The following UNC13A variants were observed in gnomAD, a reference collection of about 807,000 sequenced individuals.
UNC13A encodes the protein protein unc-13 homolog A.
A neutral mutation model predicts 219.7 loss-of-function variants in UNC13A; 61 were observed. The observed-to-expected ratio is 0.28, with a 90% CI of 0.23 to 0.34. The LOEUF (loss-of-function observed/expected upper bound fraction) is 0.34, where lower values mean the gene tolerates loss of function less well. UNC13A is among the 10% of genes least tolerant of loss of function. The pLI is 1.00. For missense variants in UNC13A, 1,476 were observed against 2,270.3 expected (o/e 0.65, Z 7.11); for synonymous variants, 920 against 884.6 (o/e 1.04, Z -0.71).
intron 43 of UNC13A, 103 bp from the exon 44 acceptor site, chr19:17,606,457 G>A (rs2144901363): frequency 1.4e-6 from 2 of 1,418,520 alleles, no homozygotes; most frequent in Non-Finnish European, 9.4e-7. Flanking sequence ...ACACCGGGGT[G>A]CCCACACCTG....
At chr19:17,661,567 A>C (rs1158350251) in intron 8 of UNC13A, among the ~76,000 whole-genome samples, 1 of 151,754 alleles carries the variant, frequency 6.6e-6, no homozygotes, top group Non-Finnish European at 1.5e-5. Context: ...AGTGGCGTGC[A>C]CCTGTAATCC....
chr19:17,638,764 G>A (rs1264909314), intron 25 of UNC13A, among the ~76,000 whole-genome samples: 1 of 152,048 alleles, frequency 6.6e-6, no homozygotes, highest in Non-Finnish European at 1.5e-5. Context: ...GGGAGGCAGA[G>A]GTTGCAGTGA....
chr19:17,620,739 G>C lies in UNC13A; in HGVS notation c.4243-17C>G. 1 of 1,612,684 alleles carries C rather than the reference G, an allele frequency of 6.2e-7. No homozygotes were observed. Among genetic ancestry groups the C allele is most frequent in the Non-Finnish European group, 8.5e-7 (1 of 1,179,526 alleles). ...CACCCTGCCCTGTGGAGAGAATCAG[G>C]TGGAGGTCAGAGTTCTGGTGACTGT... On this transcript the variant is annotated splice_polypyrimidine_tract_variant and intron_variant, in intron 37 of 43. Transcript: ENST00000519716.
intron 28 of UNC13A, among the ~76,000 whole-genome samples, chr19:17,632,533 C>T (rs2145010430): frequency 6.6e-6 from 1 of 152,320 alleles, no homozygotes; most frequent in Middle Eastern, 3.4e-3. Context: ...AATGATCCCA[C>T]CTTAACTCAT....
intron 12 of UNC13A, among the ~76,000 whole-genome samples, chr19:17,651,296 C>T (rs1428132236): frequency 6.6e-6 from 1 of 151,772 alleles, no homozygotes; most frequent in Non-Finnish European, 1.5e-5. Flanking sequence ...GCTATGTTGC[C>T]CAGGCTGGTC....
Position 17,611,802 on chromosome 19 carries a change from T to C in UNC13A, c.4612A>G (p.Thr1538Ala), listed in dbSNP as rs1314221842. 5 of 1,614,032 alleles carry C rather than the reference T, an allele frequency of 3.1e-6. No individual in the cohort carries two copies. The African/African-American group carries it at 5.3e-5, about 17-fold the overall frequency. ...TTGTGTTCCCCAGTTCCTGGATGAG[T>C]GAACAGCTCAACATGGACAGAGACT... ...GEVSVHVELF[T>A]HPGTGEHKVT... Residue 1538 changes from threonine (T) to alanine (A), a missense_variant, in exon 42 of 44, where the codon ACT becomes GCT. This residue lies in a region of UNC13A where 77 missense variants were observed against 94.8 expected (regional missense o/e 0.81). Transcript: ENST00000519716.
chr19:17,626,933 C>A, intron 33 of UNC13A, 148 bp from the exon 34 acceptor site: 1 of 1,270,868 alleles, frequency 7.9e-7, no homozygotes, highest in Non-Finnish European at 1.0e-6. Flanking sequence ...GTGGCTCACG[C>A]CTTTAATCCA....
intron 17 of UNC13A, among the ~76,000 whole-genome samples, chr19:17,646,406 A>T (rs2077027251): frequency 6.6e-6 from 1 of 151,702 alleles, no homozygotes; most frequent in African/African-American, 2.4e-5. Flanking sequence ...CGCACGTGCC[A>T]CCCCATCCGG....
At position 17,627,793 on chromosome 19, in the gene UNC13A, A is replaced by C; in HGVS notation, c.3831+70T>G. 3 of 1,496,232 alleles carry C rather than the reference A, an allele frequency of 2.0e-6. No individual in the cohort carries two copies. Among genetic ancestry groups the C allele is most frequent in the Non-Finnish European group, 2.7e-6 (3 of 1,096,572 alleles). The allele number at this position is 1,496,232 out of a possible 1,614,324, so 92.7% of individuals were successfully genotyped here. A position where few individuals can be genotyped will look rare whatever the true frequency, so the allele number is the denominator to read the frequency against. ...CCCAGGCCTGGTGGCATATGAGCTCAGGGGCCTGCAGGGACACAGTGGTGG... is the reference window on the plus strand; with the variant it reads ...CCCAGGCCTGGTGGCATATGAGCTCCGGGGCCTGCAGGGACACAGTGGTGG... On this transcript the variant is annotated intron_variant, in intron 32 of 43. Transcript: ENST00000519716. This position sits in a 1 kb window ranked among gnomAD's most constrained non-coding sequence, Gnocchi z 4.7.
In UNC13A at chr19:17,630,637, T is replaced by C. The variant is rs754133962; in HGVS notation, c.3525+17A>G. 6.2e-7 allele frequency: 1 copy of C among 1,613,632 alleles called. No homozygotes were observed. Among genetic ancestry groups the C allele is most frequent in the South Asian group, 1.1e-5 (1 of 91,074 alleles). On this transcript the variant is annotated intron_variant, in intron 29 of 43. Coordinates refer to ENST00000519716, the MANE Select transcript of UNC13A (RefSeq NM_001080421.3). ...AGTGGGAAGATTAGGAACTTGGTTGTGGGTGGGCCTTCTTACCCCATCCTT... is the reference window on the plus strand; with the variant it reads ...AGTGGGAAGATTAGGAACTTGGTTGCGGGTGGGCCTTCTTACCCCATCCTT...
intron 43 of UNC13A, among the ~76,000 whole-genome samples, chr19:17,607,163 T>C (rs951558996): frequency 1.3e-5 from 2 of 152,216 alleles, no homozygotes; most frequent in African/African-American, 4.8e-5. Flanking sequence ...GACATGGAAC[T>C]GGCTTCAATC....
Position 17,627,761 on chromosome 19 carries a change from A to G in UNC13A, c.3831+102T>C. On this transcript the variant is annotated intron_variant, in intron 32 of 43. Transcript: ENST00000519716. This position sits in a 1 kb window ranked among gnomAD's most constrained non-coding sequence, Gnocchi z 4.7. The stretch of plus-strand genomic sequence containing the variant: ...GGTTTAAGGCCATGGTTGAGCTGGA[A>G]TTCATCCCCAGGCCTGGTGGCATAT... 2 of 1,374,788 alleles carry G rather than the reference A, an allele frequency of 1.5e-6. No individual in the cohort carries two copies. The highest frequency in any genetic ancestry group is 2.0e-6 in the Non-Finnish European group (2 of 994,384). The allele number at this position is 1,374,788 out of a possible 1,614,324, so 85.2% of individuals were successfully genotyped here. A position where few individuals can be genotyped will look rare whatever the true frequency, so the allele number is the denominator to read the frequency against.
At chr19:17,647,547 C>T (rs1302484712) in intron 16 of UNC13A, 55 bp from the exon 17 acceptor site, 1 of 1,548,226 alleles carries the variant, frequency 6.5e-7, no homozygotes, top group Admixed American at 1.8e-5. Context: ...AGTGGCCCCT[C>T]ACCAAGGCGA....
rs1302442067 is a variant in UNC13A at position 17,603,796 on chromosome 19, GATT to G, written c.*2255_*2257del. ...AGCCCTAGAGCTCATCTAAGGGCAG[GATT>G]TTTTTTTTTTTTTGGTGGGGTAGAG... On this transcript the variant is annotated 3_prime_UTR_variant, in exon 44 of 44. Transcript: ENST00000519716. 9.1e-6 allele frequency: 1 copy of G among 109,932 alleles called. No individual in the cohort carries two copies. Among genetic ancestry groups the G allele is most frequent in the Non-Finnish European group, 2.0e-5 (1 of 48,788 alleles). The allele number at this position is 109,932 out of a possible 1,614,324, so 6.8% of individuals were successfully genotyped here.
intron 16 of UNC13A, 98 bp downstream of exon 16, chr19:17,648,327 CATGGTG>C: frequency 8.7e-7 from 1 of 1,145,170 alleles, no homozygotes; most frequent in South Asian, 1.8e-5. Context: ...TGCCCCGCCC[CATGGTG>C]CCCCACCCAT....
chr19:17,672,400 C>T lies in UNC13A; in HGVS notation c.248G>A (p.Arg83Lys). Residue 83 changes from arginine to lysine, a missense_variant, in exon 4 of 44, where the codon AGG (arginine) becomes AAG (lysine). By Grantham distance (26) the Arg-to-Lys change is conservative. Coordinates refer to ENST00000519716, the MANE Select transcript of UNC13A (RefSeq NM_001080421.3). ...CACCTCATTGGACTGGCGGATGGTC[C>T]TCAGTGGGATCCACACAGTGCCCAC... ...TMVGTVWIPL[R>K]TIRQSNEEGP... 1 of 1,613,768 alleles carries T rather than the reference C, an allele frequency of 6.2e-7. No individual in the cohort carries two copies. Among genetic ancestry groups the T allele is most frequent in the Non-Finnish European group, 8.5e-7 (1 of 1,179,822 alleles).
chr19:17,652,760 C>T (rs533435401), intron 11 of UNC13A, 83 bp from the exon 12 acceptor site: 8 of 1,523,192 alleles, frequency 5.3e-6, no homozygotes, highest in South Asian at 1.1e-5. Context: ...TCTGACTCCC[C>T]TCTGGGCTGG....
chr19:17,643,329 TTTTTA>T (rs1234087894), intron 19 of UNC13A, among the ~76,000 whole-genome samples: 1 of 151,382 alleles, frequency 6.6e-6, no homozygotes, highest in Non-Finnish European at 1.5e-5. Flanking sequence ...GGCAAATTTT[TTTTTA>T]TTTTATTTTT....
chr19:17,608,385 T>TATATATATATTATATGTATATAA, intron 43 of UNC13A, among the ~76,000 whole-genome samples: 1 of 42,392 alleles, frequency 2.4e-5, no homozygotes, highest in Admixed American at 2.2e-4. Flanking sequence ...TGTATATAAA[T>TATATATATATTATATGTATATAA]ATATATATAT....
Sources: allele counts gnomAD v4.1 joint callset (sites outside exome capture counted in the v4.1 genomes callset), GRCh38; gene constraint gnomAD v4.1.1; regional missense constraint gnomAD v4.1.1; non-coding constraint Gnocchi (gnomAD v3.1); transcripts MANE v1.5; gene names NCBI Gene and HGNC (gene_info 2026-07-23, HGNC 2026-07-21).